The following PIERCE2 variants were observed in gnomAD, a reference collection of about 807,000 sequenced individuals.
PIERCE2 encodes piercer of microtubule wall 2, also known as piercer of microtubule wall 2 protein.
At chr15:55,413,077 G>C in the PIERCE2 span, among the ~76,000 whole-genome samples, 1 of 151,826 alleles carries the variant, frequency 6.6e-6, no homozygotes, top group East Asian at 2.0e-4. Flanking sequence ...GACCATCCTG[G>C]CTAACACGGT....
At chr15:55,417,750 CA>C in the PIERCE2 span, 2 of 179,514 alleles carry the variant, frequency 1.1e-5, no homozygotes, top group African/African-American at 2.4e-5. Flanking sequence ...GACCACCAAA[CA>C]GGCTTTGTGT....
chr15:55,417,956 G>A, the PIERCE2 span: 1 of 606,260 alleles, frequency 1.6e-6, no homozygotes, highest in Non-Finnish European at 2.8e-6. Context: ...TGAGCCAGGA[G>A]AAGGAATTTC....
chr15:55,418,505 A>G, the PIERCE2 span: 1 of 1,526,860 alleles, frequency 6.5e-7, no homozygotes, highest in Non-Finnish European at 8.8e-7. Flanking sequence ...TCAAAATAAC[A>G]CTCTAAATAC....
the PIERCE2 span, chr15:55,408,863 C>A: frequency 2.9e-6 from 3 of 1,021,012 alleles, no homozygotes; most frequent in Non-Finnish European, 4.3e-6. Context: ...CCTACTCCTA[C>A]CACCCCCAAC....
chr15:55,417,444 G>A, the PIERCE2 span, among the ~76,000 whole-genome samples: 1 of 151,504 alleles, frequency 6.6e-6, no homozygotes, highest in East Asian at 1.9e-4. Flanking sequence ...CTTCATAGCA[G>A]TTATCACAAT....
At chr15:55,415,661 T>C in the PIERCE2 span, among the ~76,000 whole-genome samples, 26,990 of 151,930 alleles carry the variant, frequency 0.18, 4,138 homozygotes, top group African/African-American at 0.42. Flanking sequence ...GCACCAGTAA[T>C]TAGAATGGAA....
chr15:55,412,884 C>T, the PIERCE2 span, among the ~76,000 whole-genome samples: 1 of 152,138 alleles, frequency 6.6e-6, no homozygotes, highest in Non-Finnish European at 1.5e-5. Context: ...AATCCCAGTG[C>T]TGTGGGAAGC....
chr15:55,408,525 A>G, the PIERCE2 span: 2 of 361,396 alleles, frequency 5.5e-6, no homozygotes, highest in African/African-American at 4.2e-5. Flanking sequence ...GCCGGCGACC[A>G]CTTCCAGTTG....
At chr15:55,416,095 G>GTT in the PIERCE2 span, among the ~76,000 whole-genome samples, 7,455 of 146,792 alleles carry the variant, frequency 0.051, 260 homozygotes, top group East Asian at 0.16. Flanking sequence ...TTTAAACATT[G>GTT]TTATATATAT....
the PIERCE2 span, among the ~76,000 whole-genome samples, chr15:55,409,293 T>C: frequency 6.6e-6 from 1 of 151,798 alleles, no homozygotes; most frequent in Non-Finnish European, 1.5e-5. Context: ...TAATCCCAGC[T>C]ACTTGGGAGG....
the PIERCE2 span, chr15:55,418,609 G>A: frequency 5.1e-5 from 65 of 1,279,628 alleles, no homozygotes; most frequent in Non-Finnish European, 6.5e-5. Context: ...AAATATACTC[G>A]GGAAAAATGA....
chr15:55,409,734 A>T, the PIERCE2 span, among the ~76,000 whole-genome samples: 1 of 152,202 alleles, frequency 6.6e-6, no homozygotes, highest in East Asian at 1.9e-4. Context: ...TTAAATGTAT[A>T]TGTATCTATA....
chr15:55,408,815 G>A, the PIERCE2 span: 3 of 1,495,928 alleles, frequency 2.0e-6, no homozygotes, highest in Non-Finnish European at 2.7e-6. Context: ...CTAGATGTTT[G>A]GGAATGTTGG....
chr15:55,418,714 T>A, the PIERCE2 span: 1 of 571,142 alleles, frequency 1.8e-6, no homozygotes, highest in Non-Finnish European at 2.9e-6. Flanking sequence ...AACTGATAAC[T>A]ACATGACAGT....
chr15:55,410,745 C>T, the PIERCE2 span: 1 of 152,180 alleles, frequency 6.6e-6, no homozygotes, highest in African/African-American at 2.4e-5. Context: ...GGGCAACCTG[C>T]TTAGGTGCCC....
the PIERCE2 span, among the ~76,000 whole-genome samples, chr15:55,412,688 G>A: frequency 6.6e-6 from 1 of 152,248 alleles, no homozygotes; most frequent in Middle Eastern, 3.4e-3. Context: ...GATCACTTCA[G>A]CCCAGGAGTT....
At chr15:55,409,102 T>C in the PIERCE2 span, among the ~76,000 whole-genome samples, 1 of 152,128 alleles carries the variant, frequency 6.6e-6, no homozygotes, top group Non-Finnish European at 1.5e-5. Flanking sequence ...AGAAGGGAGT[T>C]GTTTTGAAAA....
chr15:55,409,233 C>T, the PIERCE2 span, among the ~76,000 whole-genome samples: 1 of 152,002 alleles, frequency 6.6e-6, no homozygotes, highest in Non-Finnish European at 1.5e-5. Context: ...TGGTGAAACT[C>T]CGTCTCTACT....
At chr15:55,414,209 G>GTT in the PIERCE2 span, among the ~76,000 whole-genome samples, 14 of 134,430 alleles carry the variant, frequency 1.0e-4, no homozygotes, top group African/African-American at 3.8e-4. Flanking sequence ...GTTTTTTTTT[G>GTT]TTTTTTTTTT....
Sources: allele counts gnomAD v4.1 joint callset (sites outside exome capture counted in the v4.1 genomes callset), GRCh38; gene constraint gnomAD v4.1.1; transcripts MANE v1.5; gene names NCBI Gene and HGNC (gene_info 2026-07-23, HGNC 2026-07-21).